KAT6A: variants seen among roughly 807,000 people sequenced by gnomAD.
KAT6A encodes lysine acetyltransferase 6A, also known as histone acetyltransferase KAT6A.
In KAT6A, 9 loss-of-function variants were observed where a neutral mutation model predicts 198.4. That is an observed-to-expected ratio of 0.05 (90% CI 0.03 to 0.08). KAT6A has a LOEUF of 0.08. Among genes scored for constraint, KAT6A ranks in the 10% least tolerant of loss-of-function variants. KAT6A has a pLI of 1.00. For missense variants in KAT6A, 2,077 were observed against 2,509.9 expected (o/e 0.83, Z 3.69); for synonymous variants, 890 against 883.0 (o/e 1.01, Z -0.14).
At position 42,015,741 on chromosome 8, in the gene KAT6A, G is replaced by C. The variant is rs186129723; in HGVS notation, c.601-28178C>G. ...AGCATTTTGATTTCATAATTTTGTA[G>C]TAACCATCTTTTTGTCCCATGCAAT... On this transcript the variant is annotated intron_variant, in intron 2 of 16. Coordinates refer to ENST00000265713, the MANE Select transcript of KAT6A (RefSeq NM_006766.5). Among the ~76,000 whole-genome samples, 4 of 152,254 alleles carry C rather than the reference G, an allele frequency of 2.6e-5. No individual in the cohort carries two copies. In the East Asian group the frequency reaches 7.7e-4, roughly 29 times the overall value.
chr8:42,018,419 G>C (rs1424369175), intron 2 of KAT6A, among the ~76,000 whole-genome samples: 1 of 152,180 alleles, frequency 6.6e-6, no homozygotes, highest in African/African-American at 2.4e-5. Context: ...GGCTGAAGTA[G>C]GAGAATCGCT....
At chr8:41,993,714 T>C (rs1474972344) in intron 2 of KAT6A, among the ~76,000 whole-genome samples, 1 of 152,236 alleles carries the variant, frequency 6.6e-6, no homozygotes, top group African/African-American at 2.4e-5. Flanking sequence ...AAATAAATCA[T>C]CTAGGTTAAG....
At chr8:41,952,337 T>A (rs1050341333) in intron 9 of KAT6A, among the ~76,000 whole-genome samples, 3 of 152,134 alleles carry the variant, frequency 2.0e-5, no homozygotes, top group African/African-American at 7.2e-5. Context: ...CTCTTTAGGA[T>A]CTCAAAGCTA....
intron 15 of KAT6A, 136 bp downstream of exon 15, chr8:41,940,706 T>C (rs1399547258): frequency 3.8e-6 from 4 of 1,061,818 alleles, no homozygotes; most frequent in Admixed American, 2.3e-5. Flanking sequence ...AGCTACAATA[T>C]ACAGAGGCTT....
intron 1 of KAT6A, 191 bp from the exon 2 acceptor site, chr8:42,049,493 AG>A (rs1399777109): frequency 5.9e-5 from 10 of 168,372 alleles, no homozygotes; most frequent in African/African-American, 1.9e-4. Context: ...AAAAAAGAAA[AG>A]AAAAAAAAAA....
Position 42,035,204 on chromosome 8 carries a change from C to T in KAT6A, c.600+13174G>A, listed in dbSNP as rs184860700. 6.4e-4 allele frequency among the ~76,000 whole-genome samples: 98 copies of T among 152,242 alleles called. 2 individuals are homozygous for T. Among genetic ancestry groups the T allele is most frequent in the Admixed American group, 5.4e-3 (83 of 15,292 alleles). On this transcript the variant is annotated intron_variant, in intron 2 of 16. Coordinates refer to ENST00000265713, the MANE Select transcript of KAT6A (RefSeq NM_006766.5). ...AATAGAACTGAATCCAAAAGACAGACAAGTGAGGTATGGAAGATGACACCA... is the reference window on the plus strand; with the variant it reads ...AATAGAACTGAATCCAAAAGACAGATAAGTGAGGTATGGAAGATGACACCA...
intron 15 of KAT6A, among the ~76,000 whole-genome samples, chr8:41,939,223 T>A (rs1234235389): frequency 2.0e-5 from 3 of 152,028 alleles, no homozygotes; most frequent in Non-Finnish European, 4.4e-5. Flanking sequence ...GGGGTAGAAA[T>A]CTTAAGTGTG....
At chr8:41,948,975 A>C (rs1298866026) in intron 10 of KAT6A, among the ~76,000 whole-genome samples, 6 of 152,222 alleles carry the variant, frequency 3.9e-5, no homozygotes, top group Non-Finnish European at 8.8e-5. Flanking sequence ...CCTTTTAAAT[A>C]AGTGATAGAA....
chr8:42,031,143 A>G (rs762742531), intron 2 of KAT6A, among the ~76,000 whole-genome samples: 10 of 151,984 alleles, frequency 6.6e-5, no homozygotes, highest in Non-Finnish European at 1.3e-4. Context: ...GCTGCCTCCC[A>G]GAGGGGAGCC....
intron 2 of KAT6A, among the ~76,000 whole-genome samples, chr8:42,030,252 G>A (rs114576837): frequency 0.012 from 1,806 of 152,234 alleles, 33 homozygotes; most frequent in African/African-American, 0.042. Flanking sequence ...CAGATTACAG[G>A]AGTCCATGGT....
At chr8:42,018,139 A>G (rs1290337940) in intron 2 of KAT6A, among the ~76,000 whole-genome samples, 2 of 152,230 alleles carry the variant, frequency 1.3e-5, no homozygotes, top group Non-Finnish European at 2.9e-5. Context: ...AGAGACTAAC[A>G]GTATTGTAAA....
chr8:41,977,160 T>C lies in KAT6A; in HGVS notation c.1211A>G (p.Lys404Arg), dbSNP rs1824096621. ...RDSNVSLKFN[K>R]KTKGLIDGLT... ...GCCATCAATGAGCCCTTTGGTTTTC[T>C]TGTTGAACTTCAAGGAGACATTGCT... The change falls in exon 7 of 17, where the codon AAG (lysine) becomes AGG (arginine). Residue 404 changes from lysine to arginine, a missense_variant. Around this residue, in one of 13 missense-constraint regions of KAT6A, gnomAD observed 206 missense variants for 214.9 expected, o/e 0.96. Coordinates refer to ENST00000265713, the MANE Select transcript of KAT6A (RefSeq NM_006766.5). 3.1e-6 allele frequency: 5 copies of C among 1,614,076 alleles called. No individual in the cohort carries two copies. Among genetic ancestry groups the C allele is most frequent in the East Asian group, 2.2e-5 (1 of 44,890 alleles).
Position 42,048,569 on chromosome 8 carries a change from C to T in KAT6A, c.409G>A (p.Gly137Ser). The T allele has an allele frequency of 1.2e-6, 2 of 1,614,204 alleles. No individual in the cohort carries two copies. The highest frequency in any genetic ancestry group is 1.1e-5 in the South Asian group (1 of 91,086). ...TGGTGAAAGCCAGAGGCAGCACTGC[C>T]TCCGAATAATGCAGACACATCCTTC... Reference protein sequence around the residue: ...GQKDVSALFGGSAASGFHQQL... With the variant: ...GQKDVSALFGSSAASGFHQQL... Residue 137 changes from glycine (G) to serine (S), a missense_variant, in exon 2 of 17, where the codon GGC becomes AGC. By Grantham distance (56) the Gly-to-Ser change is moderately conservative. This residue lies in a region of KAT6A where 185 missense variants were observed against 185.7 expected (regional missense o/e 1.00). Transcript: ENST00000265713.
At chr8:42,015,273 C>T (rs939334240) in intron 2 of KAT6A, among the ~76,000 whole-genome samples, 2 of 152,306 alleles carry the variant, frequency 1.3e-5, no homozygotes, top group East Asian at 3.9e-4. Flanking sequence ...CAATCTATAG[C>T]CAGATCCCTT....
intron 2 of KAT6A, among the ~76,000 whole-genome samples, chr8:42,028,802 C>G (rs1187274670): frequency 6.6e-6 from 1 of 152,066 alleles, no homozygotes; most frequent in African/African-American, 2.4e-5. Flanking sequence ...CTTTCTTCCT[C>G]TCTCATTGGT....
intron 2 of KAT6A, among the ~76,000 whole-genome samples, chr8:42,018,523 A>T (rs1826374771): frequency 6.6e-6 from 1 of 152,186 alleles, no homozygotes; most frequent in Non-Finnish European, 1.5e-5. Context: ...AAGAGTAAAT[A>T]AATAAATAAA....
At chr8:41,960,467 G>A (rs1041530592) in intron 8 of KAT6A, among the ~76,000 whole-genome samples, 19 of 137,672 alleles carry the variant, frequency 1.4e-4, no homozygotes, top group Non-Finnish European at 2.1e-4. Flanking sequence ...AGATGACGCC[G>A]CTGTACTCCA....
At chr8:41,949,468 G>A in intron 9 of KAT6A, 105 bp from the exon 10 acceptor site, 1 of 749,928 alleles carries the variant, frequency 1.3e-6, no homozygotes, top group Non-Finnish European at 1.9e-6. Flanking sequence ...CAGGTAACAG[G>A]TTAAAAAAAA....
At chr8:41,991,019 A>G (rs1027476363) in intron 2 of KAT6A, among the ~76,000 whole-genome samples, 2 of 135,414 alleles carry the variant, frequency 1.5e-5, no homozygotes, top group African/African-American at 5.7e-5. Context: ...AAAAAAAAAA[A>G]GGTGGAACAA....
Sources: gnomAD v4.1 joint callset for allele counts (sites outside exome capture counted in the v4.1 genomes callset) on GRCh38, gnomAD v4.1.1 for gene constraint, gnomAD v4.1.1 regional missense constraint, MANE v1.5 for transcripts, NCBI Gene and HGNC (gene_info 2026-07-23, HGNC 2026-07-21) for gene names.